The following RAB1A variants were observed in gnomAD, a reference collection of about 807,000 sequenced individuals.
The protein encoded by RAB1A is ras-related protein Rab-1A.
RAB1A carries 2 observed loss-of-function variants against 26.0 expected under a neutral mutation model. The ratio of observed to expected loss-of-function variants is 0.08; its 90% confidence interval spans 0.03 to 0.24. The LOEUF is 0.24. Ranked by LOEUF, RAB1A falls within the 10% of genes least tolerant of loss-of-function variation. RAB1A has a pLI of 1.00. For synonymous variants in RAB1A, 84 were observed against 84.9 expected (o/e 0.99, Z 0.06); for missense variants, 100 against 247.0 (o/e 0.40, Z 3.99).
chr2:65,096,691 G>C (rs562639751), intron 3 of RAB1A, among the ~76,000 whole-genome samples: 16 of 152,286 alleles, frequency 1.1e-4, no homozygotes, highest in South Asian at 1.0e-3. Flanking sequence ...CTAAATCCTT[G>C]CAAGTCCTAA....
chr2:65,111,387 C>G (rs1236263850), intron 1 of RAB1A, among the ~76,000 whole-genome samples: 1 of 150,736 alleles, frequency 6.6e-6, no homozygotes, highest in Non-Finnish European at 1.5e-5. Context: ...ATACATCAGA[C>G]AAATACAAAC....
chr2:65,115,922 G>T (rs569968532), intron 1 of RAB1A, among the ~76,000 whole-genome samples: 3 of 152,116 alleles, frequency 2.0e-5, no homozygotes, highest in African/African-American at 4.8e-5. Context: ...TTGGGAGGCC[G>T]AGGTGGGTGG....
At chr2:65,119,023 T>C (rs1040936683) in intron 1 of RAB1A, among the ~76,000 whole-genome samples, 2 of 151,216 alleles carry the variant, frequency 1.3e-5, no homozygotes, top group Non-Finnish European at 2.9e-5. Context: ...ACCCAGTCTC[T>C]ACAAAAAAAG....
At chr2:65,098,857 GC>G (rs1415026691) in intron 2 of RAB1A, among the ~76,000 whole-genome samples, 1 of 7,570 alleles carries the variant, frequency 1.3e-4, no homozygotes, top group African/African-American at 5.5e-4. Flanking sequence ...TTTTTTTGAG[GC>G]AGGATGTTGC....
chr2:65,123,130 A>G (rs920426610), intron 1 of RAB1A, among the ~76,000 whole-genome samples: 1 of 151,806 alleles, frequency 6.6e-6, no homozygotes, highest in Non-Finnish European at 1.5e-5. Flanking sequence ...ACAGATTGCT[A>G]TGGAAGGTGA....
Position 65,088,001 on chromosome 2 carries a change from G to C in RAB1A, c.*492C>G, listed in dbSNP as rs1391138114. The C allele has an allele frequency of 6.5e-6, 1 of 153,338 alleles. No homozygotes were observed. Among genetic ancestry groups the C allele is most frequent in the Non-Finnish European group, 1.5e-5 (1 of 68,608 alleles). 9.5% of individuals were successfully genotyped at this position (153,338 alleles called of 1,614,324 possible). A position where few individuals can be genotyped will look rare whatever the true frequency, so the allele number is the denominator to read the frequency against. On this transcript the variant is annotated 3_prime_UTR_variant, in exon 6 of 6. Coordinates refer to ENST00000409784, the MANE Select transcript of RAB1A (RefSeq NM_004161.5). ...CAGAGTATGAAGAAACTATTAATCAGATAGTGTAATCTTTCCATTTATAAC... is the reference window on the plus strand; with the variant it reads ...CAGAGTATGAAGAAACTATTAATCACATAGTGTAATCTTTCCATTTATAAC...
intron 1 of RAB1A, among the ~76,000 whole-genome samples, chr2:65,109,331 T>C (rs148051533): frequency 6.6e-6 from 1 of 152,310 alleles, no homozygotes; most frequent in East Asian, 1.9e-4. Flanking sequence ...CCTCATGAAT[T>C]TGGATCACTA....
intron 2 of RAB1A, among the ~76,000 whole-genome samples, chr2:65,101,001 C>A (rs1177985914): frequency 6.6e-6 from 1 of 151,886 alleles, no homozygotes; most frequent in Non-Finnish European, 1.5e-5. Flanking sequence ...CAAAAATTAG[C>A]CAGGCACAGT....
At chr2:65,114,147 T>A (rs765081506) in intron 1 of RAB1A, 1 of 470,052 alleles carries the variant, frequency 2.1e-6, no homozygotes, top group Non-Finnish European at 4.1e-6. Flanking sequence ...CTGGGTTAAA[T>A]GAGAATATAC....
intron 2 of RAB1A, among the ~76,000 whole-genome samples, 197 bp downstream of exon 2, chr2:65,104,537 T>C (rs1669509162): frequency 6.6e-6 from 1 of 152,200 alleles, no homozygotes; most frequent in Non-Finnish European, 1.5e-5. Flanking sequence ...CTTCACTGAA[T>C]TTCTTTTAAG....
chr2:65,106,723 T>C (rs936328003), intron 1 of RAB1A, among the ~76,000 whole-genome samples: 1 of 101,828 alleles, frequency 9.8e-6, no homozygotes, highest in Non-Finnish European at 2.2e-5. Flanking sequence ...CTTTCCAGTT[T>C]GAGATTTTAA....
chr2:65,121,359 T>A (rs1283860662), intron 1 of RAB1A, among the ~76,000 whole-genome samples: 1 of 151,950 alleles, frequency 6.6e-6, no homozygotes, highest in Non-Finnish European at 1.5e-5. Context: ...AAGGCATGCA[T>A]ATTTAACACT....
intron 2 of RAB1A, among the ~76,000 whole-genome samples, chr2:65,103,310 A>AAAAAAAAAAAAAAAAAAAAAAC: frequency 1.3e-5 from 2 of 151,608 alleles, no homozygotes; most frequent in South Asian, 2.1e-4. Context: ...AAAAAAAAAA[A>AAAAAAAAAAAAAAAAAAAAAAC]AAAACATTGT....
rs1669215121 is a variant in RAB1A, at chr2:65,093,421, C to T, written c.193-2343G>A. Among the ~76,000 whole-genome samples the T allele has an allele frequency of 2.6e-5, 4 of 152,036 alleles. No individual in the cohort carries two copies. The South Asian group carries it at 6.2e-4, about 24-fold the overall frequency. On this transcript the variant is annotated intron_variant, in intron 3 of 5. Coordinates refer to ENST00000409784, the MANE Select transcript of RAB1A (RefSeq NM_004161.5). ...GTGTACAACTGGACTCAGTACCTGC[C>T]CTATCTTGCTGAATGTTTTATAATC...
rs144223375 is a variant in RAB1A, at chr2:65,100,637, G to A, written c.97-2571C>T. ...TTAGTGGGTGTGATGGCACACGCCTGTAAACCTAGCTAGTCAGGAGACCAA... is the reference window on the plus strand; with the variant it reads ...TTAGTGGGTGTGATGGCACACGCCTATAAACCTAGCTAGTCAGGAGACCAA... On this transcript the variant is annotated intron_variant, in intron 2 of 5. Coordinates refer to ENST00000409784, the MANE Select transcript of RAB1A (RefSeq NM_004161.5). Among the ~76,000 whole-genome samples the A allele has an allele frequency of 4.0e-5, 6 of 151,494 alleles. No homozygotes were observed. In the East Asian group the frequency reaches 1.2e-3, roughly 30 times the overall value.
At chr2:65,124,859 C>T (rs539321087) in intron 1 of RAB1A, among the ~76,000 whole-genome samples, 17 of 151,974 alleles carry the variant, frequency 1.1e-4, no homozygotes, top group African/African-American at 2.4e-4. Flanking sequence ...CTTAAATTAC[C>T]GGAAGAATTA....
chr2:65,104,232 A>C (rs938559232), intron 2 of RAB1A, among the ~76,000 whole-genome samples: 1 of 151,556 alleles, frequency 6.6e-6, no homozygotes, highest in Non-Finnish European at 1.5e-5. Context: ...TCTTTTATTA[A>C]CTTTTTTTTT....
In RAB1A at chr2:65,088,708, C is replaced by G; in HGVS notation, c.421-18G>C. 4 of 1,563,690 alleles carry G rather than the reference C, an allele frequency of 2.6e-6. No homozygotes were observed. Among genetic ancestry groups the G allele is most frequent in the Non-Finnish European group, 3.5e-6 (4 of 1,149,132 alleles). On this transcript the variant is annotated intron_variant, in intron 5 of 5. Transcript: ENST00000409784. The stretch of plus-strand genomic sequence containing the variant: ...GCAAATTCCTAAGAGAATAATGAGG[C>G]ACAATTAACACTGAAAAATCTTTTT...
Position 65,103,162 on chromosome 2 carries a change from C to T in RAB1A, c.96+1572G>A, listed in dbSNP as rs144205810. On this transcript the variant is annotated intron_variant, in intron 2 of 5. Coordinates refer to ENST00000409784, the MANE Select transcript of RAB1A (RefSeq NM_004161.5). ...GAGACCTTGTCACTACAAAAAAATA[C>T]AAAAATCAGCCAGGCATGATGGCGC... Among the ~76,000 whole-genome samples the T allele has an allele frequency of 2.6e-3, 389 of 151,708 alleles. 4 individuals carry two copies. The highest frequency in any genetic ancestry group is 8.9e-3 in the African/African-American group (370 of 41,388).
Sources: gnomAD v4.1 joint callset for allele counts (sites outside exome capture counted in the v4.1 genomes callset) on GRCh38, gnomAD v4.1.1 for gene constraint, MANE v1.5 for transcripts, NCBI Gene and HGNC (gene_info 2026-07-23, HGNC 2026-07-21) for gene names.